The following APBB2 variants were observed in gnomAD, a reference collection of about 807,000 sequenced individuals.
APBB2 encodes amyloid beta precursor protein binding family B member 2.
Under a neutral mutation model 82.5 loss-of-function variants are expected in APBB2, and 38 were observed. That is an observed-to-expected ratio of 0.46 (90% CI 0.36 to 0.60). The LOEUF (loss-of-function observed/expected upper bound fraction) is 0.60. APBB2 is among the 20% of genes least tolerant of loss of function. APBB2 has a pLI of 0.00. For synonymous variants in APBB2, 341 were observed against 368.2 expected (o/e 0.93, Z 0.85); for missense variants, 772 against 972.3 (o/e 0.79, Z 2.74).
At chr4:40,967,994 AAAGC>A (rs1011025399) in intron 6 of APBB2, among the ~76,000 whole-genome samples, 14 of 152,360 alleles carry the variant, frequency 9.2e-5, no homozygotes, top group African/African-American at 3.1e-4. Flanking sequence ...TAGCTTTTAA[AAAGC>A]ATAAAAAGTG....
chr4:40,844,049 GT>G (rs1756764715), intron 12 of APBB2, among the ~76,000 whole-genome samples: 1 of 152,202 alleles, frequency 6.6e-6, no homozygotes, highest in African/African-American at 2.4e-5. Context: ...AGAACCTAGG[GT>G]TTTAGAGGAA....
chr4:40,999,125 G>C (rs1804439926), intron 6 of APBB2, among the ~76,000 whole-genome samples: 1 of 152,064 alleles, frequency 6.6e-6, no homozygotes, highest in African/African-American at 2.4e-5. Flanking sequence ...TTGAACACCG[G>C]AATGTCTCAG....
chr4:40,896,457 A>G (rs1773680198), intron 10 of APBB2, among the ~76,000 whole-genome samples: 1 of 152,256 alleles, frequency 6.6e-6, no homozygotes, highest in Non-Finnish European at 1.5e-5. Context: ...TGGACAAGTC[A>G]TTTACTAAGT....
chr4:41,123,340 A>G (rs928423199), intron 2 of APBB2, among the ~76,000 whole-genome samples: 3 of 152,140 alleles, frequency 2.0e-5, no homozygotes, highest in African/African-American at 7.2e-5. Context: ...CAGCTGGTCC[A>G]CTTTCTTAAT....
chr4:41,178,403 G>C (rs533681713), intron 1 of APBB2, among the ~76,000 whole-genome samples: 8 of 152,178 alleles, frequency 5.3e-5, no homozygotes, highest in African/African-American at 1.9e-4. Flanking sequence ...CTAGAATGGA[G>C]CCTCCGGTAC....
chr4:41,149,460 G>A (rs1761647210), intron 1 of APBB2, among the ~76,000 whole-genome samples: 1 of 151,878 alleles, frequency 6.6e-6, no homozygotes. Flanking sequence ...GGGATGCAGG[G>A]GAAAGGGCTG....
Position 41,135,651 on chromosome 4 carries a change from C to T in APBB2, c.-261+7336G>A, listed in dbSNP as rs28450633. 1.6e-3 allele frequency among the ~76,000 whole-genome samples: 249 copies of T among 152,262 alleles called. 1 individual carries two copies. Among genetic ancestry groups the T allele is most frequent in the African/African-American group, 5.7e-3 (235 of 41,556 alleles). ...TATATTAAAATAAATGACTGTATGT[C>T]ACTCACAGTATCTTTGAAAGCTGTT... On this transcript the variant is annotated intron_variant, in intron 2 of 17. Transcript: ENST00000508593.
At chr4:40,865,121 G>C (rs1311167308) in intron 12 of APBB2, among the ~76,000 whole-genome samples, 1 of 152,126 alleles carries the variant, frequency 6.6e-6, no homozygotes, top group Non-Finnish European at 1.5e-5. Flanking sequence ...GTCTCCCAAA[G>C]TGCTGGAATT....
At chr4:41,039,619 A>G (rs7687750) in intron 4 of APBB2, among the ~76,000 whole-genome samples, 115,053 of 152,058 alleles carry the variant, frequency 0.76, 43,606 homozygotes, top group East Asian at 0.83. Context: ...GGCACTTTCA[A>G]AGGCCTAGGC....
At chr4:41,080,598 A>T (rs932727382) in intron 3 of APBB2, among the ~76,000 whole-genome samples, 1 of 152,186 alleles carries the variant, frequency 6.6e-6, no homozygotes, top group Non-Finnish European at 1.5e-5. Flanking sequence ...GTGTTATTTC[A>T]TAAAGACTTG....
intron 1 of APBB2, among the ~76,000 whole-genome samples, chr4:41,160,028 A>AGAAGAG (rs1764700052): frequency 2.7e-5 from 4 of 147,732 alleles, no homozygotes; most frequent in Non-Finnish European, 4.4e-5. Flanking sequence ...AAGAAGAAGA[A>AGAAGAG]GAAGAAGAAA....
chr4:40,886,244 C>T (rs1339027703), intron 12 of APBB2, among the ~76,000 whole-genome samples: 1 of 152,098 alleles, frequency 6.6e-6, no homozygotes, highest in Non-Finnish European at 1.5e-5. Flanking sequence ...TTTGGGAGGC[C>T]GAGGCATGTA....
intron 4 of APBB2, among the ~76,000 whole-genome samples, chr4:41,063,154 C>T (rs1297098384): frequency 6.6e-6 from 1 of 152,224 alleles, no homozygotes; most frequent in East Asian, 1.9e-4. Flanking sequence ...AACAATTTCA[C>T]TTGGATCAAT....
intron 1 of APBB2, among the ~76,000 whole-genome samples, chr4:41,151,583 GT>G (rs1238498173): frequency 6.6e-6 from 1 of 151,918 alleles, no homozygotes. Flanking sequence ...TCAGGTTTAG[GT>G]TTTTCTGAAA....
chr4:40,858,254 G>T lies in APBB2; in HGVS notation c.1530-27677C>A, dbSNP rs368208612. Among the ~76,000 whole-genome samples the T allele has an allele frequency of 4.6e-4, 70 of 152,070 alleles. 1 individual carries two copies. The highest frequency in any genetic ancestry group is 1.5e-3 in the African/African-American group (64 of 41,386). On this transcript the variant is annotated intron_variant, in intron 12 of 17. Transcript: ENST00000508593. ...AAAGGAAAATCCAAGGTCTCTCACT[G>T]ACTGTATTCTGTGAGCACTGAAAGT...
At chr4:41,137,022 T>C (rs1757758985) in intron 2 of APBB2, among the ~76,000 whole-genome samples, 1 of 152,200 alleles carries the variant, frequency 6.6e-6, no homozygotes, top group Non-Finnish European at 1.5e-5. Flanking sequence ...CACTTAGCTA[T>C]TCAGAATCAT....
chr4:41,061,421 A>G (rs1729794311), intron 4 of APBB2, among the ~76,000 whole-genome samples: 1 of 152,182 alleles, frequency 6.6e-6, no homozygotes, highest in South Asian at 2.1e-4. Context: ...CTACACACCT[A>G]GGCTAGATGG....
chr4:41,109,637 A>C (rs779305732), intron 2 of APBB2, among the ~76,000 whole-genome samples: 3 of 152,026 alleles, frequency 2.0e-5, no homozygotes, highest in Non-Finnish European at 4.4e-5. Context: ...CACTGGGCTA[A>C]TTTTTTATAT....
At chr4:41,034,556 C>T (rs187291151) in intron 4 of APBB2, among the ~76,000 whole-genome samples, 1 of 152,188 alleles carries the variant, frequency 6.6e-6, no homozygotes, top group African/African-American at 2.4e-5. Flanking sequence ...AACTCCTGAC[C>T]TCAAGTGATC....
Sources: gnomAD v4.1 joint callset for allele counts (sites outside exome capture counted in the v4.1 genomes callset) on GRCh38, gnomAD v4.1.1 for gene constraint, MANE v1.5 for transcripts, NCBI Gene and HGNC (gene_info 2026-07-23, HGNC 2026-07-21) for gene names.